SLC24A3: variants seen among roughly 807,000 people sequenced by gnomAD.
SLC24A3 encodes solute carrier family 24 member 3.
In SLC24A3, 28 loss-of-function variants were observed where a neutral mutation model predicts 75.8. The ratio of observed to expected loss-of-function variants is 0.37; its 90% confidence interval spans 0.27 to 0.51. SLC24A3 has a LOEUF of 0.51. SLC24A3 is among the 20% of genes least tolerant of loss of function. SLC24A3 has a pLI of 0.94. For missense variants in SLC24A3, 663 were observed against 847.8 expected, an observed-to-expected ratio of 0.78 and a Z score of 2.71; for synonymous variants, 372 against 334.1, an observed-to-expected ratio of 1.11 and a Z score of -1.24.
intron 1 of SLC24A3, among the ~76,000 whole-genome samples, chr20:19,243,427 A>ATTTT (rs1263049502): frequency 1.3e-5 from 2 of 152,196 alleles, no homozygotes; most frequent in Non-Finnish European, 2.9e-5. Context: ...TTCATGCGTT[A>ATTTT]TTTTTGAATC....
intron 14 of SLC24A3, 96 bp from the exon 15 acceptor site, chr20:19,698,472 A>C: frequency 2.6e-6 from 2 of 778,408 alleles, no homozygotes; most frequent in Non-Finnish European, 4.3e-6. Context: ...GAGCTTGCAG[A>C]ACCACTCTCT....
chr20:19,718,154 A>G (rs560542213), intron 16 of SLC24A3, among the ~76,000 whole-genome samples: 19 of 152,304 alleles, frequency 1.2e-4, no homozygotes, highest in Non-Finnish European at 2.5e-4. Context: ...TTGAGACACA[A>G]TATGTTTTTT....
intron 2 of SLC24A3, among the ~76,000 whole-genome samples, chr20:19,286,490 T>A (rs907216715): frequency 6.6e-6 from 1 of 152,004 alleles, no homozygotes; most frequent in Non-Finnish European, 1.5e-5. Context: ...GGGCTGGACA[T>A]GACCAGTCTA....
At chr20:19,715,808 C>T (rs976692962) in intron 15 of SLC24A3, among the ~76,000 whole-genome samples, 1 of 152,202 alleles carries the variant, frequency 6.6e-6, no homozygotes, top group African/African-American at 2.4e-5. Context: ...CTAACAGAAA[C>T]AATGCACAAA....
At chr20:19,440,400 G>A (rs531946731) in intron 2 of SLC24A3, among the ~76,000 whole-genome samples, 1 of 152,304 alleles carries the variant, frequency 6.6e-6, no homozygotes, top group East Asian at 1.9e-4. Context: ...GATCTCTTTT[G>A]TCTCTGACTG....
intron 2 of SLC24A3, among the ~76,000 whole-genome samples, chr20:19,343,018 C>T (rs529562513): frequency 8.1e-5 from 11 of 135,776 alleles, no homozygotes; most frequent in Non-Finnish European, 4.5e-5. Flanking sequence ...TGCAGTGAGC[C>T]GAGATCATGC....
chr20:19,675,809 A>T (rs897637392), intron 9 of SLC24A3, among the ~76,000 whole-genome samples: 3 of 152,248 alleles, frequency 2.0e-5, no homozygotes, highest in African/African-American at 7.2e-5. Flanking sequence ...TTTAAAGATC[A>T]GAGTACCCAT....
intron 2 of SLC24A3, among the ~76,000 whole-genome samples, chr20:19,486,904 T>G (rs1352307216): frequency 2.0e-5 from 3 of 152,186 alleles, no homozygotes; most frequent in African/African-American, 7.2e-5. Context: ...TCCCATGGGC[T>G]TGGACACAAC....
intron 2 of SLC24A3, among the ~76,000 whole-genome samples, chr20:19,424,425 C>T (rs865988175): frequency 6.6e-6 from 1 of 152,198 alleles, no homozygotes; most frequent in African/African-American, 2.4e-5. Context: ...TGCAGTGGCT[C>T]ATGCCAGTAA....
At position 19,685,119 on chromosome 20, in the gene SLC24A3, G is replaced by T. The variant is rs992214532; in HGVS notation, c.1082G>T (p.Ser361Ile). Reference protein sequence around the residue: ...LINERQRLINSRAYTNGESEV... With the variant: ...LINERQRLINIRAYTNGESEV... ...TTCCAGAGACAAAGATTGATAAACAGCAGGGCTTATACCAACGGGGAATCT... is the reference window on the plus strand; with the variant it reads ...TTCCAGAGACAAAGATTGATAAACATCAGGGCTTATACCAACGGGGAATCT... Residue 361 changes from serine to isoleucine, a missense_variant, in exon 12 of 17, where the codon AGC (serine) becomes ATC (isoleucine). Physicochemically the swap from Ser to Ile is moderately radical, Grantham distance 142. Coordinates refer to ENST00000328041, the MANE Select transcript of SLC24A3 (RefSeq NM_020689.4). The T allele has an allele frequency of 1.2e-6, 2 of 1,609,694 alleles. No individual in the cohort carries two copies. Among genetic ancestry groups the T allele is most frequent in the East Asian group, 4.5e-5 (2 of 44,764 alleles).
intron 2 of SLC24A3, among the ~76,000 whole-genome samples, chr20:19,430,171 G>A (rs1423200029): frequency 1.3e-5 from 2 of 152,168 alleles, no homozygotes; most frequent in East Asian, 3.9e-4. Flanking sequence ...TGGGGTAAAG[G>A]CCACCTTTAG....
intron 12 of SLC24A3, 113 bp from the exon 13 acceptor site, chr20:19,693,146 G>A (rs1018497527): frequency 1.3e-5 from 15 of 1,143,076 alleles, no homozygotes; most frequent in Non-Finnish European, 1.7e-5. Context: ...AATATAATAA[G>A]GTTTAATTCT....
chr20:19,654,245 A>T, intron 7 of SLC24A3, 109 bp downstream of exon 7: 1 of 930,750 alleles, frequency 1.1e-6, no homozygotes, highest in East Asian at 2.4e-5. Context: ...GGCGAGTGCG[A>T]GATGCATGTC....
intron 2 of SLC24A3, among the ~76,000 whole-genome samples, chr20:19,356,817 A>G (rs1367054314): frequency 6.6e-6 from 1 of 151,438 alleles, no homozygotes; most frequent in Admixed American, 6.6e-5. Context: ...ACTGCTCTAC[A>G]TGGTCATCAG....
At chr20:19,703,275 A>G (rs1256534422) in intron 15 of SLC24A3, among the ~76,000 whole-genome samples, 1 of 152,146 alleles carries the variant, frequency 6.6e-6, no homozygotes, top group African/African-American at 2.4e-5. Context: ...CTCACACTGC[A>G]CATAATCTCT....
At chr20:19,387,756 A>G (rs1020454284) in intron 2 of SLC24A3, among the ~76,000 whole-genome samples, 2 of 152,124 alleles carry the variant, frequency 1.3e-5, no homozygotes. Flanking sequence ...ATCCCGGGAA[A>G]CATTTCTTGT....
chr20:19,533,068 C>T (rs2030330497), intron 3 of SLC24A3, among the ~76,000 whole-genome samples: 1 of 152,216 alleles, frequency 6.6e-6, no homozygotes, highest in African/African-American at 2.4e-5. Context: ...ACAAAACACC[C>T]AGTATTTAAT....
At chr20:19,262,988 C>T (rs1183766762) in intron 1 of SLC24A3, among the ~76,000 whole-genome samples, 2 of 151,484 alleles carry the variant, frequency 1.3e-5, no homozygotes, top group Non-Finnish European at 2.9e-5. Flanking sequence ...GACAGACACG[C>T]CCCTTTGTTC....
intron 2 of SLC24A3, among the ~76,000 whole-genome samples, chr20:19,325,953 A>G (rs910385396): frequency 7.9e-5 from 12 of 151,810 alleles, no homozygotes; most frequent in Non-Finnish European, 8.8e-5. Context: ...AAAGAACTTT[A>G]TACACGAAAC....
Sources: gnomAD v4.1 joint callset for allele counts (sites outside exome capture counted in the v4.1 genomes callset) on GRCh38, gnomAD v4.1.1 for gene constraint, MANE v1.5 for transcripts, NCBI Gene and HGNC (gene_info 2026-07-23, HGNC 2026-07-21) for gene names.